The following PLXDC2 variants were observed in gnomAD, a reference collection of about 807,000 sequenced individuals.
The protein encoded by PLXDC2 is plexin domain-containing protein 2.
Under a neutral mutation model 68.9 loss-of-function variants are expected in PLXDC2, and 40 were observed. The ratio of observed to expected loss-of-function variants is 0.58; its 90% confidence interval spans 0.45 to 0.76. PLXDC2 has a LOEUF of 0.76. PLXDC2 is among the 30% of genes least tolerant of loss of function. The probability of loss-of-function intolerance (pLI) is 0.00; values close to 1 mark genes in which losing one functional copy is unlikely to be tolerated. For synonymous variants in PLXDC2, 243 were observed against 234.2 expected (o/e 1.04, Z -0.34); for missense variants, 644 against 661.9 (o/e 0.97, Z 0.30).
intron 3 of PLXDC2, among the ~76,000 whole-genome samples, chr10:20,061,475 A>G (rs768610259): frequency 5.9e-5 from 9 of 152,164 alleles, no homozygotes; most frequent in Non-Finnish European, 1.3e-4. Flanking sequence ...CATGATGACA[A>G]TATGTCTCAT....
intron 9 of PLXDC2, among the ~76,000 whole-genome samples, chr10:20,184,993 C>G: frequency 6.6e-6 from 1 of 151,420 alleles, no homozygotes; most frequent in South Asian, 2.1e-4. Context: ...CACTGGGACC[C>G]GTCAGGGGAT....
chr10:20,208,977 A>G (rs1835030812), intron 9 of PLXDC2, among the ~76,000 whole-genome samples: 1 of 152,162 alleles, frequency 6.6e-6, no homozygotes. Context: ...CACAGAGATC[A>G]CATGCTTCAG....
chr10:20,069,436 C>T (rs930645021), intron 4 of PLXDC2, among the ~76,000 whole-genome samples: 3 of 152,144 alleles, frequency 2.0e-5, no homozygotes, highest in Non-Finnish European at 4.4e-5. Flanking sequence ...GTGGGAGGAT[C>T]GCTTGAGCCC....
intron 1 of PLXDC2, among the ~76,000 whole-genome samples, chr10:19,957,525 T>C (rs1354567829): frequency 6.6e-6 from 1 of 152,148 alleles, no homozygotes; most frequent in Non-Finnish European, 1.5e-5. Context: ...GCTGGAAATA[T>C]CTTCTTCTCA....
intron 1 of PLXDC2, among the ~76,000 whole-genome samples, chr10:19,915,891 A>G (rs1024080249): frequency 6.6e-6 from 1 of 151,984 alleles, no homozygotes; most frequent in Non-Finnish European, 1.5e-5. Context: ...AAGAAAAAAA[A>G]CAGCTGCTGT....
intron 1 of PLXDC2, among the ~76,000 whole-genome samples, chr10:19,906,327 G>T (rs1833157664): frequency 6.6e-6 from 1 of 152,202 alleles, no homozygotes; most frequent in African/African-American, 2.4e-5. Context: ...TCATGCCACA[G>T]TACGCAGGGC....
intron 1 of PLXDC2, among the ~76,000 whole-genome samples, chr10:19,944,815 G>C (rs552161807): frequency 1.3e-5 from 2 of 152,110 alleles, no homozygotes; most frequent in African/African-American, 4.8e-5. Flanking sequence ...AGCCAGGTGT[G>C]GTGGTGGGCA....
intron 2 of PLXDC2, among the ~76,000 whole-genome samples, chr10:20,004,616 A>G (rs1039909549): frequency 2.0e-5 from 3 of 152,178 alleles, no homozygotes; most frequent in African/African-American, 2.4e-5. Context: ...TGCACCCCCT[A>G]AGTATGTAAA....
At chr10:19,918,140 G>C (rs899032688) in intron 1 of PLXDC2, among the ~76,000 whole-genome samples, 3 of 152,204 alleles carry the variant, frequency 2.0e-5, no homozygotes, top group Non-Finnish European at 2.9e-5. Context: ...CTTGCCAGAA[G>C]AGCTGAGCAG....
intron 1 of PLXDC2, among the ~76,000 whole-genome samples, chr10:19,905,960 T>A (rs942180392): frequency 7.2e-5 from 11 of 151,926 alleles, no homozygotes; most frequent in Non-Finnish European, 1.5e-4. Context: ...CTGTTATATA[T>A]CTGGGCCCTG....
chr10:20,039,422 G>A (rs1835638779), intron 2 of PLXDC2, among the ~76,000 whole-genome samples: 1 of 152,154 alleles, frequency 6.6e-6, no homozygotes, highest in African/African-American at 2.4e-5. Flanking sequence ...ATCGAAGCTG[G>A]TATTCGAAAG....
intron 1 of PLXDC2, among the ~76,000 whole-genome samples, chr10:19,889,722 A>T (rs938068442): frequency 6.6e-6 from 1 of 152,202 alleles, no homozygotes; most frequent in African/African-American, 2.4e-5. Context: ...CCTTAATTTT[A>T]GACATCCACA....
rs376689158 is a variant in PLXDC2 at position 20,232,240 on chromosome 10, G to A, written c.1313-13105G>A. On this transcript the variant is annotated intron_variant, in intron 12 of 13. Transcript: ENST00000377252. Reference sequence around the variant, plus strand: ...ACACTAATATTGATGAGGATATGGTGCACTTGAACTCTATACATTTCTGAT... The same window carrying A: ...ACACTAATATTGATGAGGATATGGTACACTTGAACTCTATACATTTCTGAT... 1.4e-4 allele frequency among the ~76,000 whole-genome samples: 22 copies of A among 152,234 alleles called. No individual in the cohort carries two copies. In the East Asian group the frequency reaches 1.9e-3, roughly 13 times the overall value.
Position 20,038,666 on chromosome 10 carries a change from G to A in PLXDC2, c.325-8203G>A, listed in dbSNP as rs548713958. The stretch of plus-strand genomic sequence containing the variant: ...TGAATACTTTATATTCTGTTCTTAG[G>A]CTTTTCAAATGTGTTTAAATAATGT... On this transcript the variant is annotated intron_variant, in intron 2 of 13. Transcript: ENST00000377252. Among the ~76,000 whole-genome samples the A allele has an allele frequency of 2.0e-5, 3 of 152,204 alleles. No homozygotes were observed. The South Asian group carries it at 6.2e-4, about 32-fold the overall frequency.
At chr10:20,198,739 G>T (rs554507333) in intron 9 of PLXDC2, among the ~76,000 whole-genome samples, 9 of 152,136 alleles carry the variant, frequency 5.9e-5, no homozygotes, top group African/African-American at 1.9e-4. Flanking sequence ...AATCTGATGT[G>T]TTTACCTTGT....
chr10:20,178,203 T>C (rs535418458), intron 9 of PLXDC2, among the ~76,000 whole-genome samples: 35 of 152,308 alleles, frequency 2.3e-4, no homozygotes, highest in African/African-American at 8.2e-4. Context: ...TGATGTCATG[T>C]TGTAATTAGC....
intron 1 of PLXDC2, among the ~76,000 whole-genome samples, chr10:19,981,414 GC>G (rs1450585932): frequency 2.0e-5 from 3 of 152,194 alleles, no homozygotes; most frequent in Non-Finnish European, 4.4e-5. Flanking sequence ...TGTTGTACAT[GC>G]TTTTGTCTTT....
chr10:20,062,851 A>T (rs1836130351), intron 3 of PLXDC2, among the ~76,000 whole-genome samples: 1 of 152,158 alleles, frequency 6.6e-6, no homozygotes, highest in Non-Finnish European at 1.5e-5. Flanking sequence ...TCTTACCAGA[A>T]ATAAGCCAAT....
intron 4 of PLXDC2, among the ~76,000 whole-genome samples, chr10:20,079,735 A>T (rs967978557): frequency 1.3e-5 from 2 of 152,200 alleles, no homozygotes; most frequent in African/African-American, 4.8e-5. Flanking sequence ...TTGAACAATA[A>T]GAACACATGG....
Sources: allele counts gnomAD v4.1 joint callset (sites outside exome capture counted in the v4.1 genomes callset), GRCh38; gene constraint gnomAD v4.1.1; transcripts MANE v1.5; gene names NCBI Gene and HGNC (gene_info 2026-07-23, HGNC 2026-07-21).